Variants in TERF1 observed in about 807,000 individuals in gnomAD.
TERF1 encodes the protein telomeric repeat-binding factor 1.
Under a neutral mutation model 55.1 loss-of-function variants are expected in TERF1, and 20 were observed. The ratio of observed to expected loss-of-function variants is 0.36; its 90% CI spans 0.26 to 0.53. The LOEUF (loss-of-function observed/expected upper bound fraction) is 0.53, where lower values mean the gene tolerates loss of function less well. TERF1 is among the 20% of genes least tolerant of loss of function. TERF1 has a pLI of 0.91. For missense variants in TERF1, 439 were observed against 535.7 expected, an observed-to-expected ratio of 0.82 and a Z score of 1.78; for synonymous variants, 168 against 181.2, an observed-to-expected ratio of 0.93 and a Z score of 0.59.
rs1808717037 is a variant in TERF1 at position 73,020,744 on chromosome 8, G to T, written c.476G>T (p.Gly159Val). 3 of 1,583,872 alleles carry T rather than the reference G, an allele frequency of 1.9e-6. No individual in the cohort carries two copies. Among genetic ancestry groups the T allele is most frequent in the South Asian group, 1.1e-5 (1 of 88,910 alleles). ...TPLESALMIW[G>V]SIEKEHDKLH... The stretch of plus-strand genomic sequence containing the variant: ...TTGGAATCAGCCCTGATGATTTGGG[G>T]TTCAATTGAAAAGGAACATGACAAA... Residue 159 changes from glycine to valine, a missense_variant, in exon 3 of 10, where the codon GGT (glycine) becomes GTT (valine). Physicochemically the swap from Gly to Val is moderately radical, Grantham distance 109 (BLOSUM62 -3). Coordinates refer to ENST00000276603, the MANE Select transcript of TERF1 (RefSeq NM_017489.3).
chr8:73,035,829 T>G (rs1004049370), intron 8 of TERF1, among the ~76,000 whole-genome samples: 5 of 152,206 alleles, frequency 3.3e-5, no homozygotes, highest in African/African-American at 1.2e-4. Flanking sequence ...ATCCCATGTT[T>G]GTAGTAGGGT....
rs558343770 is a variant in TERF1, at chr8:73,046,828, G to A, written c.*691G>A. 6.6e-6 allele frequency: 1 copy of A among 152,214 alleles called. No individual in the cohort carries two copies. Among genetic ancestry groups the A allele is most frequent in the African/African-American group, 2.4e-5 (1 of 41,532 alleles). The allele number at this position is 152,214 out of a possible 1,614,324, so 9.4% of individuals were successfully genotyped here. On this transcript the variant is annotated 3_prime_UTR_variant, in exon 10 of 10. Transcript: ENST00000276603. ...TTTTCTAGATGATTGAATAACAGTA[G>A]TCCTTTGATAGAAGATAATGACTTG...
intron 5 of TERF1, among the ~76,000 whole-genome samples, chr8:73,026,012 T>A (rs1808977118): frequency 6.7e-6 from 1 of 150,258 alleles, no homozygotes; most frequent in Admixed American, 6.6e-5. Context: ...CTGGGCAACA[T>A]GGCAAAACCC....
At position 73,047,112 on chromosome 8, in the gene TERF1, C is replaced by T. The variant is rs1810070311; in HGVS notation, c.*975C>T. On this transcript the variant is annotated 3_prime_UTR_variant, in exon 10 of 10. Transcript: ENST00000276603. Reference sequence around the variant, plus strand: ...CCTGGGTGACAGGATCATACGTACCCCAAACCTCAACATCACACAGTATAC... The same window carrying T: ...CCTGGGTGACAGGATCATACGTACCTCAAACCTCAACATCACACAGTATAC... 1 of 152,066 alleles carries T rather than the reference C, an allele frequency of 6.6e-6. No individual in the cohort carries two copies. Among genetic ancestry groups the T allele is most frequent in the Non-Finnish European group, 1.5e-5 (1 of 68,024 alleles). 9.4% of individuals were successfully genotyped at this position (152,066 alleles called of 1,614,324 possible). A position where few individuals can be genotyped will look rare whatever the true frequency, so the allele number is the denominator to read the frequency against.
Position 73,009,168 on chromosome 8 carries a change from C to T in TERF1, c.282C>T (p.Arg94=), listed in dbSNP as rs764799999. ...TTTGCCGAGCTTTCCGCGACGGCCGCTCCGAGGACTTCCGCAGGACCCGCA... is the reference window on the plus strand; with the variant it reads ...TTTGCCGAGCTTTCCGCGACGGCCGTTCCGAGGACTTCCGCAGGACCCGCA... ...LSLCRAFRDG[R]SEDFRRTRNS... The change falls in exon 1 of 10, where the codon CGC becomes CGT. Residue 94 remains arginine (R), a synonymous_variant. Coordinates refer to ENST00000276603, the MANE Select transcript of TERF1 (RefSeq NM_017489.3). The T allele has an allele frequency of 1.9e-6, 3 of 1,610,978 alleles. No homozygotes were observed. The African/African-American group carries it at 4.0e-5, about 22-fold the overall frequency.
At chr8:73,040,933 G>T (rs1809808502) in intron 9 of TERF1, among the ~76,000 whole-genome samples, 1 of 151,992 alleles carries the variant, frequency 6.6e-6, no homozygotes, top group East Asian at 1.9e-4. Context: ...TTGATTTCTG[G>T]CATTTCCCTT....
intron 9 of TERF1, among the ~76,000 whole-genome samples, chr8:73,041,764 T>C (rs1327943877): frequency 2.6e-5 from 4 of 152,154 alleles, no homozygotes; most frequent in Non-Finnish European, 5.9e-5. Flanking sequence ...GGAATTTTTG[T>C]GTAATCTTTA....
rs1369654040 is a variant in TERF1, at chr8:73,046,942, T to C, written c.*805T>C. 6.6e-6 allele frequency: 1 copy of C among 152,184 alleles called. No homozygotes were observed. Among genetic ancestry groups the C allele is most frequent in the African/African-American group, 2.4e-5 (1 of 41,428 alleles). 9.4% of individuals were successfully genotyped at this position (152,184 alleles called of 1,614,324 possible). ...AGAGTAACCTATAAGCATGACATACTTTTGCTTTCAGTAGTTTCATGTAAA... is the reference window on the plus strand; with the variant it reads ...AGAGTAACCTATAAGCATGACATACCTTTGCTTTCAGTAGTTTCATGTAAA... On this transcript the variant is annotated 3_prime_UTR_variant, in exon 10 of 10. Coordinates refer to ENST00000276603, the MANE Select transcript of TERF1 (RefSeq NM_017489.3).
Position 73,046,171 on chromosome 8 carries a change from A to AG in TERF1, c.*34_*35insG. 1 of 1,498,534 alleles carries AG rather than the reference A, an allele frequency of 6.7e-7. No individual in the cohort carries two copies. The highest frequency in any genetic ancestry group is 8.9e-7 in the Non-Finnish European group (1 of 1,123,890). The allele number at this position is 1,498,534 out of a possible 1,614,324, so 92.8% of individuals were successfully genotyped here. On this transcript the variant is annotated 3_prime_UTR_variant, in exon 10 of 10. Transcript: ENST00000276603. ...GTAAAAGCTTGATGAAAGGACAGTT[A>AG]AGTATTTTGATCACTGCATTTTGTT...
chr8:73,017,529 G>A (rs548977934), intron 2 of TERF1, among the ~76,000 whole-genome samples: 2 of 152,022 alleles, frequency 1.3e-5, no homozygotes, highest in Non-Finnish European at 2.9e-5. Context: ...CATCCTTGTA[G>A]TCTACACTTA....
rs374577619 is a variant in TERF1, at chr8:73,008,899, G to A, written c.13G>A (p.Val5Ile). 1.0e-5 allele frequency: 16 copies of A among 1,606,714 alleles called. No individual in the cohort carries two copies. The African/African-American group carries it at 1.7e-4, about 17-fold the overall frequency. ...CGAGCCATTTAACATGGCGGAGGAT[G>A]TTTCCTCAGCGGCCCCGAGCCCGCG... MAED[V>I]SSAAPSPRGC... is the part of the protein sequence containing the mutation. Residue 5 changes from valine to isoleucine, a missense_variant, in exon 1 of 10, where the codon GTT becomes ATT. By Grantham distance (29) the Val-to-Ile change is conservative. Transcript: ENST00000276603.
At position 73,046,107 on chromosome 8, in the gene TERF1, A is replaced by G. The variant is rs781127629; in HGVS notation, c.1290A>G (p.Leu430=). 3.7e-6 allele frequency: 6 copies of G among 1,601,208 alleles called. No individual in the cohort carries two copies. In the South Asian group the frequency reaches 6.8e-5, roughly 18 times the overall value. ...LKDRWRTMKK[L]KLISSDSED ...ACAGATGGAGGACCATGAAGAAACTAAAACTGATTTCCTCAGACAGCGAAG... is the reference window on the plus strand; with the variant it reads ...ACAGATGGAGGACCATGAAGAAACTGAAACTGATTTCCTCAGACAGCGAAG... Residue 430 remains leucine, a synonymous_variant, in exon 10 of 10, where the codon CTA becomes CTG. Coordinates refer to ENST00000276603, the MANE Select transcript of TERF1 (RefSeq NM_017489.3).
chr8:73,045,942 T>C lies in TERF1; in HGVS notation c.1144-19T>C, dbSNP rs778153356. 1.3e-6 allele frequency: 2 copies of C among 1,504,362 alleles called. No homozygotes were observed. The highest frequency in any genetic ancestry group is 2.4e-5 in the Admixed American group (1 of 41,944). The allele number at this position is 1,504,362 out of a possible 1,614,324, so 93.2% of individuals were successfully genotyped here. On this transcript the variant is annotated intron_variant, in intron 9 of 9. Transcript: ENST00000276603. ...GAATAATTGTTTCTGTAAATAACTG[T>C]TTTACTTTTTATCAAAAGGCATGGC...
intron 8 of TERF1, among the ~76,000 whole-genome samples, chr8:73,037,643 AAT>A (rs1470807379): frequency 3.6e-5 from 3 of 82,734 alleles, no homozygotes; most frequent in Admixed American, 3.8e-4. Context: ...TAACATATAT[AAT>A]ATATATTATA....
At chr8:73,036,741 G>T (rs1586060651) in intron 8 of TERF1, among the ~76,000 whole-genome samples, 1 of 148,904 alleles carries the variant, frequency 6.7e-6, no homozygotes, top group South Asian at 2.2e-4. Flanking sequence ...CTAAAACAAT[G>T]TAAATGATAA....
rs1298616935 is a variant in TERF1 at position 73,032,148 on chromosome 8, A to G, written c.1039+15A>G. 6.3e-7 allele frequency: 1 copy of G among 1,580,956 alleles called. No individual in the cohort carries two copies. The highest frequency in any genetic ancestry group is 8.6e-7 in the Non-Finnish European group (1 of 1,158,736). On this transcript the variant is annotated intron_variant, in intron 8 of 9. Transcript: ENST00000276603. ...AACTCCTCAAAGTGAGTACTGTTATAACAGTTTTAGAAGGGGAGAATTGAT... is the reference window on the plus strand; with the variant it reads ...AACTCCTCAAAGTGAGTACTGTTATGACAGTTTTAGAAGGGGAGAATTGAT...
At chr8:73,032,270 A>G (rs1809321959) in intron 8 of TERF1, 137 bp downstream of exon 8, 1 of 596,146 alleles carries the variant, frequency 1.7e-6, no homozygotes, top group African/African-American at 1.9e-5. Flanking sequence ...CATAGAGTTA[A>G]TTGAGATAGT....
intron 1 of TERF1, chr8:73,011,103 A>G (rs560296791): frequency 4.0e-5 from 6 of 151,628 alleles, no homozygotes; most frequent in Non-Finnish European, 8.8e-5. Flanking sequence ...GAAATGGGCA[A>G]TGGGTTTAAC....
At chr8:73,039,308 A>G (rs1809736180) in intron 9 of TERF1, 89 bp downstream of exon 9, 2 of 896,534 alleles carry the variant, frequency 2.2e-6, no homozygotes, top group Admixed American at 3.2e-5. Flanking sequence ...AACCTCCCCA[A>G]AATTTTGAGT....
Sources: allele counts gnomAD v4.1 joint callset (sites outside exome capture counted in the v4.1 genomes callset), GRCh38; gene constraint gnomAD v4.1.1; transcripts MANE v1.5; gene names NCBI Gene and HGNC (gene_info 2026-07-23, HGNC 2026-07-21).